Variants in THADA observed in about 807,000 individuals in gnomAD.
THADA encodes the protein tRNA (32-2'-O)-methyltransferase regulator THADA.
In THADA, 213 loss-of-function variants were observed where a neutral mutation model predicts 219.8. That is an observed-to-expected ratio of 0.97 (90% confidence interval 0.87 to 1.09). The LOEUF (loss-of-function observed/expected upper bound fraction) is 1.09, where lower values mean the gene tolerates loss of function less well. THADA is among the 50% of genes least tolerant of loss of function. The probability of loss-of-function intolerance (pLI) is 0.00; values close to 1 mark genes in which losing one functional copy is unlikely to be tolerated. For missense variants in THADA, 2,956 were observed against 2,311.3 expected (o/e 1.28, Z -5.72); for synonymous variants, 1,018 against 828.9 (o/e 1.23, Z -3.92).
intron 36 of THADA, among the ~76,000 whole-genome samples, chr2:43,275,737 T>C (rs1264086004): frequency 1.3e-5 from 2 of 152,224 alleles, no homozygotes; most frequent in South Asian, 2.1e-4. Context: ...TTTCTAACCT[T>C]CTAAGATACC....
chr2:43,415,364 A>C (rs1041020294), intron 28 of THADA, among the ~76,000 whole-genome samples: 1 of 152,202 alleles, frequency 6.6e-6, no homozygotes, highest in African/African-American at 2.4e-5. Flanking sequence ...GGTCTGGGTC[A>C]GTGACTACAG....
intron 21 of THADA, among the ~76,000 whole-genome samples, chr2:43,534,702 T>C (rs1428392486): frequency 6.6e-6 from 1 of 152,220 alleles, no homozygotes; most frequent in East Asian, 1.9e-4. Context: ...CCACATTTCT[T>C]TACCCATTCA....
chr2:43,578,346 T>C (rs1700073908), intron 9 of THADA, among the ~76,000 whole-genome samples, 167 bp downstream of exon 9: 2 of 151,026 alleles, frequency 1.3e-5, no homozygotes, highest in Non-Finnish European at 2.9e-5. Flanking sequence ...AAGGTCTAGC[T>C]AAACTCCCCA....
intron 26 of THADA, among the ~76,000 whole-genome samples, chr2:43,475,329 G>C (rs1304291765): frequency 6.6e-6 from 1 of 151,378 alleles, no homozygotes; most frequent in Non-Finnish European, 1.5e-5. Flanking sequence ...GGCGGCGGGA[G>C]GATGGCTTGA....
chr2:43,525,515 A>C (rs1439313632), intron 22 of THADA, among the ~76,000 whole-genome samples: 1 of 152,190 alleles, frequency 6.6e-6, no homozygotes, highest in East Asian at 1.9e-4. Flanking sequence ...AAGCTGCCAT[A>C]TAAGAATTTC....
chr2:43,372,440 T>C (rs1670912527), intron 29 of THADA, among the ~76,000 whole-genome samples: 1 of 152,186 alleles, frequency 6.6e-6, no homozygotes, highest in Admixed American at 6.5e-5. Context: ...ATTAATGAGA[T>C]TTCTTCTTTA....
At chr2:43,402,435 T>G (rs1412112701) in intron 28 of THADA, among the ~76,000 whole-genome samples, 2 of 152,134 alleles carry the variant, frequency 1.3e-5, no homozygotes, top group East Asian at 3.8e-4. Context: ...AATGCACTAT[T>G]CTCAGCAAAA....
chr2:43,572,810 T>C lies in THADA; in HGVS notation c.1908+4A>G, dbSNP rs757130354. 4 of 1,612,990 alleles carry C rather than the reference T, an allele frequency of 2.5e-6. No individual in the cohort carries two copies. The highest frequency in any genetic ancestry group is 2.5e-6 in the Non-Finnish European group (3 of 1,179,470). ...TACAAATCCAGGTAATTTTCTTTAC[T>C]TACTTGGCAATGCTGATGAATTAAG... On this transcript the variant is annotated splice_donor_region_variant and intron_variant, in intron 12 of 37. Transcript: ENST00000405975.
Position 43,566,755 on chromosome 2 carries a change from T to C in THADA, c.2254A>G (p.Arg752Gly), listed in dbSNP as rs1698735568. The C allele has an allele frequency of 6.3e-7, 1 of 1,581,486 alleles. No individual in the cohort carries two copies. Among genetic ancestry groups the C allele is most frequent in the African/African-American group, 1.4e-5 (1 of 72,836 alleles). The part of the protein sequence containing the change: ...ALFPGSSYST[R>G]FSALTILGSI... ...CCTAAAATGGTTAAAGCTGAAAATCTAGTCGAGTAGGAAGATCCAGGAAAC... is the reference window on the plus strand; with the variant it reads ...CCTAAAATGGTTAAAGCTGAAAATCCAGTCGAGTAGGAAGATCCAGGAAAC... The change falls in exon 15 of 38, where the codon AGA (arginine) becomes GGA (glycine). Residue 752 changes from arginine to glycine, a missense_variant. Coordinates refer to ENST00000405975, the MANE Select transcript of THADA (RefSeq NM_022065.5).
chr2:43,469,153 T>A (rs1373251277), intron 26 of THADA, among the ~76,000 whole-genome samples: 1 of 152,006 alleles, frequency 6.6e-6, no homozygotes, highest in East Asian at 1.9e-4. Context: ...CAGCATACTG[T>A]AAGCAAAAGA....
intron 5 of THADA, 38 bp downstream of exon 5, chr2:43,586,816 G>T (rs199651942): frequency 5.7e-5 from 92 of 1,611,982 alleles, no homozygotes; most frequent in Non-Finnish European, 7.7e-5. Context: ...TGATGAGAGG[G>T]GTTAGCCAGA....
chr2:43,403,081 C>T (rs1436050069), intron 28 of THADA, among the ~76,000 whole-genome samples: 12 of 152,170 alleles, frequency 7.9e-5, no homozygotes, highest in Non-Finnish European at 1.5e-5. Context: ...GTGTCATTAA[C>T]CTTATTTTAA....
At chr2:43,580,844 C>T (rs1700358730) in intron 8 of THADA, among the ~76,000 whole-genome samples, 2 of 151,528 alleles carry the variant, frequency 1.3e-5, no homozygotes, top group South Asian at 4.2e-4. Flanking sequence ...CACGCCACTG[C>T]ACTCCAGTGT....
At chr2:43,259,903 T>C (rs993457077) in intron 36 of THADA, among the ~76,000 whole-genome samples, 1 of 152,228 alleles carries the variant, frequency 6.6e-6, no homozygotes, top group African/African-American at 2.4e-5. Context: ...ACCATTAAAC[T>C]CTCTCTAAAA....
intron 3 of THADA, 134 bp downstream of exon 3, chr2:43,591,818 A>G (rs966646325): frequency 7.4e-6 from 4 of 538,056 alleles, no homozygotes; most frequent in Non-Finnish European, 6.2e-6. Context: ...TAAACAGAAA[A>G]AAAAAAATAC....
chr2:43,236,191 G>A (rs1668012040), intron 36 of THADA, among the ~76,000 whole-genome samples: 1 of 152,230 alleles, frequency 6.6e-6, no homozygotes, highest in South Asian at 2.1e-4. Context: ...AAGAGCTGGT[G>A]TGATGTGGCC....
rs112585010 is a variant in THADA, at chr2:43,325,520, T to C, written c.4344-4980A>G. 9.8e-4 allele frequency among the ~76,000 whole-genome samples: 139 copies of C among 141,860 alleles called. No individual in the cohort carries two copies. The Middle Eastern group carries it at 0.011, about 11-fold the overall frequency. 93.1% of individuals were successfully genotyped at this position (141,860 alleles called of 152,430 possible). A position where few individuals can be genotyped will look rare whatever the true frequency, so the allele number is the denominator to read the frequency against. On this transcript the variant is annotated intron_variant, in intron 30 of 37. Transcript: ENST00000405975. ...TCAACTAGTGGGTAGTGACCAGCAATAAAGGAAGGAAAGAAAGAAGGAAGA... is the reference window on the plus strand; with the variant it reads ...TCAACTAGTGGGTAGTGACCAGCAACAAAGGAAGGAAAGAAAGAAGGAAGA...
Position 43,232,844 on chromosome 2 carries a change from C to T in THADA, c.5335G>A (p.Ala1779Thr). 1 of 1,612,022 alleles carries T rather than the reference C, an allele frequency of 6.2e-7. No homozygotes were observed. Residue 1779 changes from alanine (A) to threonine (T), a missense_variant, in exon 37 of 38, where the codon GCC (alanine) becomes ACC (threonine). Physicochemically the swap from Ala to Thr is moderately conservative, Grantham distance 58 (BLOSUM62 0). Coordinates refer to ENST00000405975, the MANE Select transcript of THADA (RefSeq NM_022065.5). ...TCACACAGGACGGCCAGGGCCAGGG[C>T]CAGAGCGATGGAGGCATCCACCTGG... ...FCQVDASIAL[A>T]LALAVLCDLL... is the part of the protein sequence containing the mutation.
intron 22 of THADA, among the ~76,000 whole-genome samples, chr2:43,517,750 C>A (rs1464373369): frequency 6.6e-6 from 1 of 152,086 alleles, no homozygotes; most frequent in Non-Finnish European, 1.5e-5. Flanking sequence ...AATGTGTGTA[C>A]CATTTCCAAG....
Sources: gnomAD v4.1 joint callset for allele counts (sites outside exome capture counted in the v4.1 genomes callset) on GRCh38, gnomAD v4.1.1 for gene constraint, MANE v1.5 for transcripts, NCBI Gene and HGNC (gene_info 2026-07-23, HGNC 2026-07-21) for gene names.